DHX30: variants seen among roughly 807,000 people sequenced by gnomAD.
The protein encoded by DHX30 is ATP-dependent RNA helicase DHX30.
Under a neutral mutation model 116.9 loss-of-function variants are expected in DHX30, and 4 were observed. That is an observed-to-expected ratio of 0.03 (90% CI 0.02 to 0.08). The LOEUF is 0.08. Among genes scored for constraint, DHX30 ranks in the 10% least tolerant of loss-of-function variants. The pLI is 1.00. For missense variants in DHX30, 871 were observed against 1,595.1 expected (o/e 0.55, Z 7.73); for synonymous variants, 697 against 651.7 (o/e 1.07, Z -1.06).
At chr3:47,835,173 T>A (rs1029335683) in intron 6 of DHX30, among the ~76,000 whole-genome samples, 5 of 146,566 alleles carry the variant, frequency 3.4e-5, no homozygotes, top group African/African-American at 1.3e-4. Flanking sequence ...CTGGCTAATT[T>A]TTTTTTTTTT....
intron 2 of DHX30, among the ~76,000 whole-genome samples, chr3:47,808,030 C>T (rs2035612528): frequency 6.6e-6 from 1 of 152,074 alleles, no homozygotes; most frequent in South Asian, 2.1e-4. Context: ...CCTGCCTCAG[C>T]CTCCCACGTA....
rs1301566934 is a variant in DHX30, at chr3:47,805,398, G to A, written c.-50G>A. 1 of 398,992 alleles carries A rather than the reference G, an allele frequency of 2.5e-6. No homozygotes were observed. Among genetic ancestry groups the A allele is most frequent in the Non-Finnish European group, 4.4e-6 (1 of 226,106 alleles). The allele number at this position is 398,992 out of a possible 1,614,324, so 24.7% of individuals were successfully genotyped here. A position where few individuals can be genotyped will look rare whatever the true frequency, so the allele number is the denominator to read the frequency against. ...TCCAGTTCAAAAGCCTACAAAATCT[G>A]AGACTGTCATTGCTTTTATAAGGTA... On this transcript the variant is annotated 5_prime_UTR_variant, in exon 2 of 22. Transcript: ENST00000445061.
intron 4 of DHX30, among the ~76,000 whole-genome samples, chr3:47,823,108 A>G (rs1266116521): frequency 6.6e-6 from 1 of 151,074 alleles, no homozygotes; most frequent in African/African-American, 2.4e-5. Flanking sequence ...AAAAAAAAAA[A>G]AGAAAAGAAA....
At position 47,848,597 on chromosome 3, in the gene DHX30, G is replaced by T; in HGVS notation, c.2576-27G>T. On this transcript the variant is annotated intron_variant, in intron 16 of 21. Transcript: ENST00000445061. The surrounding 1 kb of genome is among the most constrained non-coding windows in gnomAD (Gnocchi z 9.4). Reference sequence around the variant, plus strand: ...CTGGGCTGGGGAGTGGCTCTCGAGGGTGGTACTGACAGCTGAGCCGTTGCA... The same window carrying T: ...CTGGGCTGGGGAGTGGCTCTCGAGGTTGGTACTGACAGCTGAGCCGTTGCA... The T allele has an allele frequency of 1.9e-6, 3 of 1,614,100 alleles. No individual in the cohort carries two copies. The highest frequency in any genetic ancestry group is 2.5e-6 in the Non-Finnish European group (3 of 1,180,020).
chr3:47,849,960 G>A lies in DHX30; in HGVS notation c.3425G>A (p.Arg1142Gln), dbSNP rs1453216289. ...SRTVRLLKEL[R>Q]RALGRMVERS... ...ACCGTGCGGCTGCTGAAGGAGCTGC[G>A]GCGGGCCCTGGGCCGCATGGTGGAG... Residue 1142 changes from arginine to glutamine, a missense_variant, in exon 22 of 22, where the codon CGG becomes CAG. Arg to Gln is a conservative substitution (Grantham distance 43). Transcript: ENST00000445061. 4.3e-6 allele frequency: 7 copies of A among 1,612,918 alleles called. No individual in the cohort carries two copies. Among genetic ancestry groups the A allele is most frequent in the East Asian group, 2.2e-5 (1 of 44,882 alleles).
intron 4 of DHX30, among the ~76,000 whole-genome samples, chr3:47,826,657 A>G (rs1576484812): frequency 6.6e-6 from 1 of 152,004 alleles, no homozygotes; most frequent in Admixed American, 6.5e-5. Context: ...AGGTTTCACT[A>G]TGTTGGCCAG....
intron 6 of DHX30, among the ~76,000 whole-genome samples, chr3:47,830,186 A>G (rs1178999640): frequency 6.7e-6 from 1 of 149,516 alleles, no homozygotes; most frequent in Non-Finnish European, 1.5e-5. Context: ...ACGGTGGCTC[A>G]CGCCTGTATT....
At chr3:47,821,389 C>T (rs995390727) in intron 4 of DHX30, among the ~76,000 whole-genome samples, 3 of 152,150 alleles carry the variant, frequency 2.0e-5, no homozygotes, top group African/African-American at 7.2e-5. Context: ...CCCCAGCCCC[C>T]CGAGTACCGG....
At chr3:47,829,830 A>G (rs530752804) in intron 6 of DHX30, among the ~76,000 whole-genome samples, 1 of 151,628 alleles carries the variant, frequency 6.6e-6, no homozygotes, top group South Asian at 2.1e-4. Flanking sequence ...TACTTTTTTT[A>G]AATTTTTTAA....
rs985547115 is a variant in DHX30, at chr3:47,825,015, A to G, written c.125-2332A>G. 14 of 620,054 alleles carry G rather than the reference A, an allele frequency of 2.3e-5. No homozygotes were observed. The East Asian group carries it at 4.0e-4, about 18-fold the overall frequency. 38.4% of individuals were successfully genotyped at this position (620,054 alleles called of 1,614,324 possible). On this transcript the variant is annotated intron_variant, in intron 4 of 21. Transcript: ENST00000445061. Reference sequence around the variant, plus strand: ...TCTTCGCCCGGTCCCTGCCGCGCACAGGCCTCGGGGTCGGCGGGAGCACGA... The same window carrying G: ...TCTTCGCCCGGTCCCTGCCGCGCACGGGCCTCGGGGTCGGCGGGAGCACGA...
chr3:47,833,939 C>T (rs1013445735), intron 6 of DHX30, among the ~76,000 whole-genome samples: 14 of 152,104 alleles, frequency 9.2e-5, no homozygotes, highest in Admixed American at 7.9e-4. Flanking sequence ...TTATGGTGTA[C>T]ATTAGATCTT....
chr3:47,824,706 A>G, intron 4 of DHX30: 1 of 229,198 alleles, frequency 4.4e-6, no homozygotes, highest in Non-Finnish European at 8.4e-6. Context: ...CCTAGAGGGA[A>G]CTAACTTCGC....
intron 3 of DHX30, among the ~76,000 whole-genome samples, chr3:47,811,289 C>A (rs2035778373): frequency 6.6e-6 from 1 of 152,046 alleles, no homozygotes; most frequent in South Asian, 2.1e-4. Context: ...GTATTTTATA[C>A]CATCTCCTTC....
At chr3:47,836,601 G>T (rs373004883) in intron 6 of DHX30, among the ~76,000 whole-genome samples, 2 of 151,634 alleles carry the variant, frequency 1.3e-5, no homozygotes, top group East Asian at 3.9e-4. Flanking sequence ...TCACTGCAAC[G>T]TTCACGTCCT....
intron 6 of DHX30, among the ~76,000 whole-genome samples, chr3:47,832,568 A>G (rs967094290): frequency 6.6e-6 from 1 of 151,788 alleles, no homozygotes; most frequent in African/African-American, 2.4e-5. Context: ...CCCATAGGGT[A>G]GGTCTACCTC....
intron 1 of DHX30, among the ~76,000 whole-genome samples, chr3:47,804,358 C>T (rs892286062): frequency 1.3e-5 from 2 of 152,144 alleles, no homozygotes; most frequent in African/African-American, 4.8e-5. Context: ...AGTTTGAGAC[C>T]AGCCTGGCCA....
At position 47,841,668 on chromosome 3, in the gene DHX30, C is replaced by G; in HGVS notation, c.720C>G (p.Thr240=). 1 of 1,614,246 alleles carries G rather than the reference C, an allele frequency of 6.2e-7. No individual in the cohort carries two copies. Among genetic ancestry groups the G allele is most frequent in the East Asian group, 2.2e-5 (1 of 44,888 alleles). Residue 240 remains threonine, a synonymous_variant, in exon 8 of 22, where the codon ACC becomes ACG. Transcript: ENST00000445061. Reference sequence around the variant, plus strand: ...ACGACAGTGCCATTAGGGCTCTGACCCAGTTTCCACTTCCCAAGAACCTTC... The same window carrying G: ...ACGACAGTGCCATTAGGGCTCTGACGCAGTTTCCACTTCCCAAGAACCTTC... ...TDDDSAIRAL[T]QFPLPKNLLA...
At position 47,813,104 on chromosome 3, in the gene DHX30, C is replaced by T. The variant is rs893767570; in HGVS notation, c.28+2393C>T. 1.6e-4 allele frequency among the ~76,000 whole-genome samples: 24 copies of T among 151,440 alleles called. No individual in the cohort carries two copies. The East Asian group carries it at 3.9e-3, about 25-fold the overall frequency. Reference sequence around the variant, plus strand: ...CTGTAATCCCAGCACTTTGGGAGGCCGAGGCAGGCGGATCACGAGGTCAGG... The same window carrying T: ...CTGTAATCCCAGCACTTTGGGAGGCTGAGGCAGGCGGATCACGAGGTCAGG... On this transcript the variant is annotated intron_variant, in intron 3 of 21. Coordinates refer to ENST00000445061, the MANE Select transcript of DHX30 (RefSeq NM_138615.3).
rs891840009 is a variant in DHX30 at position 47,847,148 on chromosome 3, G to A, written c.1930-125G>A. Reference sequence around the variant, plus strand: ...TAGAAACTGGGGACTAACCCTGCCTGCGTGGCACACGTGAGGATTGGAGTT... The same window carrying A: ...TAGAAACTGGGGACTAACCCTGCCTACGTGGCACACGTGAGGATTGGAGTT... On this transcript the variant is annotated intron_variant, in intron 11 of 21. Coordinates refer to ENST00000445061, the MANE Select transcript of DHX30 (RefSeq NM_138615.3). The surrounding 1 kb of genome is among the most constrained non-coding windows in gnomAD (Gnocchi z 5.5). The A allele has an allele frequency of 1.4e-6, 2 of 1,478,756 alleles. No individual in the cohort carries two copies. Among genetic ancestry groups the A allele is most frequent in the Non-Finnish European group, 9.4e-7 (1 of 1,068,780 alleles). 91.6% of individuals were successfully genotyped at this position (1,478,756 alleles called of 1,614,324 possible). A position where few individuals can be genotyped will look rare whatever the true frequency, so the allele number is the denominator to read the frequency against.
Sources: gnomAD v4.1 joint callset for allele counts (sites outside exome capture counted in the v4.1 genomes callset) on GRCh38, gnomAD v4.1.1 for gene constraint, Gnocchi (gnomAD v3.1) non-coding constraint, MANE v1.5 for transcripts, NCBI Gene and HGNC (gene_info 2026-07-23, HGNC 2026-07-21) for gene names.